The following KLHL15 variants were observed in gnomAD, a reference collection of about 807,000 sequenced individuals.
The protein encoded by KLHL15 is kelch-like protein 15.
KLHL15 carries 1 observed loss-of-function variant against 29.3 expected under a neutral mutation model. The ratio of observed to expected loss-of-function variants is 0.03; its 90% CI spans 0.01 to 0.16. The LOEUF is 0.16. Among genes scored for constraint, KLHL15 ranks in the 10% least tolerant of loss-of-function variants. The probability of loss-of-function intolerance (pLI) is 1.00; values close to 1 mark genes in which losing one functional copy is unlikely to be tolerated. For missense variants in KLHL15, 215 were observed against 478.5 expected, an observed-to-expected ratio of 0.45 and a Z score of 5.14; for synonymous variants, 212 against 184.5, an observed-to-expected ratio of 1.15 and a Z score of -1.21.
Position 23,984,422 on chromosome X carries a change from C to G in KLHL15, c.*3499G>C, listed in dbSNP as rs974011368. On this transcript the variant is annotated 3_prime_UTR_variant, in exon 4 of 4. Transcript: ENST00000328046. ...ATGATCTCTCAAAATGTTCAGAATA[C>G]AAAAACAAAAATCAAAAATGTATAA... 9 of 111,791 alleles carry G rather than the reference C, an allele frequency of 8.1e-5. No individual in the cohort carries two copies. Among genetic ancestry groups the G allele is most frequent in the African/African-American group, 2.9e-4 (9 of 30,843 alleles). The allele number at this position is 111,791 out of a possible 1,213,427, so 9.2% of individuals were successfully genotyped here.
chrX:24,010,850 C>A (rs957734526), intron 2 of KLHL15, among the ~76,000 whole-genome samples: 2 of 111,144 alleles, frequency 1.8e-5, no homozygotes, highest in African/African-American at 6.5e-5. Context: ...GCCAGTGTCA[C>A]CACTCTGTCA....
In KLHL15 at chrX:24,025,063, G is replaced by T; in HGVS notation, c.-209-5C>A. On this transcript the variant is annotated splice_region_variant and splice_polypyrimidine_tract_variant and intron_variant, in intron 1 of 3. Transcript: ENST00000328046. Reference sequence around the variant, plus strand: ...GCAGCCCCCTCTGGATAAGTCCTGGGAAAGAAGACAGCGCTGAGTCGAGAA... The same window carrying T: ...GCAGCCCCCTCTGGATAAGTCCTGGTAAAGAAGACAGCGCTGAGTCGAGAA... 3.4e-6 allele frequency: 1 copy of T among 297,450 alleles called. No individual in the cohort carries two copies. The highest frequency in any genetic ancestry group is 4.8e-5 in the East Asian group (1 of 21,034). 24.5% of individuals were successfully genotyped at this position (297,450 alleles called of 1,213,427 possible).
chrX:24,002,049 C>T (rs958299073), intron 3 of KLHL15, among the ~76,000 whole-genome samples: 2 of 109,044 alleles, frequency 1.8e-5, no homozygotes, highest in Non-Finnish European at 1.9e-5. Context: ...AGGAGAATGG[C>T]GTGAACCCGG....
rs978027257 is a variant in KLHL15, at chrX:23,988,038, A to T, written c.1698T>A (p.Asp566Glu). 2.5e-6 allele frequency: 3 copies of T among 1,211,331 alleles called. No individual in the cohort carries two copies. The highest frequency in any genetic ancestry group is 2.2e-6 in the Non-Finnish European group (2 of 895,382). The change falls in exon 4 of 4, where the codon GAT becomes GAA. Residue 566 changes from aspartate to glutamate, a missense_variant. Transcript: ENST00000328046. The stretch of plus-strand genomic sequence containing the variant: ...ACTCATCTTCCTTCCACTTGTTTTC[A>T]TCCGGATCAAAAGTGAGGATGGAAT... ...YSDSILTFDP[D>E]ENKWKEDEYP...
Position 23,988,194 on chromosome X carries a change from T to G in KLHL15, c.1542A>C (p.Val514=), listed in dbSNP as rs770901332. 3 of 1,212,114 alleles carry G rather than the reference T, an allele frequency of 2.5e-6. No individual in the cohort carries two copies. The highest frequency in any genetic ancestry group is 2.2e-6 in the Non-Finnish European group (2 of 895,517). The change falls in exon 4 of 4, where the codon GTA becomes GTC. Residue 514 remains valine (V), a synonymous_variant. Transcript: ENST00000328046. The part of the protein sequence containing the change: ...FESQGCPSTE[V]YNPETDQWTI... Reference sequence around the variant, plus strand: ...TCCACTGATCAGTCTCTGGGTTGTATACTTCTGTAGAAGGGCATCCCTGAG... The same window carrying G: ...TCCACTGATCAGTCTCTGGGTTGTAGACTTCTGTAGAAGGGCATCCCTGAG...
intron 2 of KLHL15, among the ~76,000 whole-genome samples, chrX:24,023,946 C>T (rs1401945655): frequency 8.9e-6 from 1 of 112,133 alleles, no homozygotes; most frequent in Non-Finnish European, 1.9e-5. Context: ...GAAAAACAGG[C>T]ATTAAAATTA....
chrX:24,014,147 G>A (rs1269398412), intron 2 of KLHL15, among the ~76,000 whole-genome samples: 1 of 110,066 alleles, frequency 9.1e-6, no homozygotes, highest in Non-Finnish European at 1.9e-5. Context: ...TACAGTCTCA[G>A]CTACTCAGGA....
At chrX:23,998,479 G>A (rs764605376) in intron 3 of KLHL15, among the ~76,000 whole-genome samples, 3 of 110,922 alleles carry the variant, frequency 2.7e-5, no homozygotes, top group Non-Finnish European at 5.7e-5. Flanking sequence ...GGATGGTCTC[G>A]ATCTCCTGAA....
At chrX:23,990,059 C>T (rs893401740) in intron 3 of KLHL15, among the ~76,000 whole-genome samples, 3 of 110,146 alleles carry the variant, frequency 2.7e-5, no homozygotes, top group Non-Finnish European at 5.7e-5. Flanking sequence ...TGCCTGTTGT[C>T]CAAGCACTTA....
At chrX:24,017,913 G>A (rs1477886422) in intron 2 of KLHL15, among the ~76,000 whole-genome samples, 3 of 110,810 alleles carry the variant, frequency 2.7e-5, no homozygotes, top group African/African-American at 9.9e-5. Flanking sequence ...GACCAGCCTG[G>A]GCAATGTGGC....
At chrX:24,004,403 G>C (rs1929400998) in intron 3 of KLHL15, among the ~76,000 whole-genome samples, 1 of 111,492 alleles carries the variant, frequency 9.0e-6, no homozygotes, top group Non-Finnish European at 1.9e-5. Context: ...CAGGGAAAAA[G>C]AGCAATAAAA....
intron 2 of KLHL15, among the ~76,000 whole-genome samples, chrX:24,022,796 C>T (rs1225259553): frequency 9.3e-6 from 1 of 107,439 alleles, no homozygotes; most frequent in Non-Finnish European, 1.9e-5. Flanking sequence ...CTTGGATTAC[C>T]GCAACTTCTG....
chrX:23,994,627 G>T (rs747837487), intron 3 of KLHL15, among the ~76,000 whole-genome samples: 3 of 111,808 alleles, frequency 2.7e-5, no homozygotes, highest in Non-Finnish European at 3.8e-5. Context: ...AAGAGGTATG[G>T]AAAGAACGAC....
rs1928992428 is a variant in KLHL15 at position 23,986,732 on chromosome X, T to C, written c.*1189A>G. On this transcript the variant is annotated 3_prime_UTR_variant, in exon 4 of 4. Coordinates refer to ENST00000328046, the MANE Select transcript of KLHL15 (RefSeq NM_030624.3). ...AAACAAGTAGATAAAACCAGTAACA[T>C]TATAATTCTATTTCTTACCTCTAAG... The C allele has an allele frequency of 8.9e-6, 1 of 112,077 alleles. No homozygotes were observed. The highest frequency in any genetic ancestry group is 9.6e-5 in the Admixed American group (1 of 10,464). The allele number at this position is 112,077 out of a possible 1,213,427, so 9.2% of individuals were successfully genotyped here. A position where few individuals can be genotyped will look rare whatever the true frequency, so the allele number is the denominator to read the frequency against.
chrX:24,022,467 C>G (rs1249562972), intron 2 of KLHL15, among the ~76,000 whole-genome samples: 2 of 108,026 alleles, frequency 1.9e-5, no homozygotes, highest in African/African-American at 3.4e-5. Context: ...AACCCCGTCT[C>G]TACTAAAAAT....
At chrX:24,022,857 A>AT (rs1555979268) in intron 2 of KLHL15, among the ~76,000 whole-genome samples, 5 of 107,206 alleles carry the variant, frequency 4.7e-5, no homozygotes, top group Non-Finnish European at 9.6e-5. Flanking sequence ...GTAGCTGGGA[A>AT]TAGAGTAGCT....
intron 3 of KLHL15, among the ~76,000 whole-genome samples, chrX:24,001,514 C>A (rs1190623878): frequency 9.0e-6 from 1 of 110,800 alleles, no homozygotes; most frequent in Non-Finnish European, 1.9e-5. Context: ...CAAAAAAAGT[C>A]AAGCATAGGC....
rs571363670 is a variant in KLHL15, at chrX:24,022,847, G to T, written c.-8+2010C>A. ...CGATTCTCCCGCCTCAGCCTCCCGA[G>T]TAGCTGGGAATAGAGTAGCTGGGAT... On this transcript the variant is annotated intron_variant, in intron 2 of 3. Coordinates refer to ENST00000328046, the MANE Select transcript of KLHL15 (RefSeq NM_030624.3). 5.3e-4 allele frequency among the ~76,000 whole-genome samples: 57 copies of T among 107,578 alleles called. No individual in the cohort carries two copies. In the South Asian group the frequency reaches 6.2e-3, roughly 12 times the overall value. The allele number at this position is 107,578 out of a possible 115,157, so 93.4% of individuals were successfully genotyped here. A position where few individuals can be genotyped will look rare whatever the true frequency, so the allele number is the denominator to read the frequency against.
Position 23,987,315 on chromosome X carries a change from G to A in KLHL15, c.*606C>T. On this transcript the variant is annotated 3_prime_UTR_variant, in exon 4 of 4. Transcript: ENST00000328046. ...CACGCATAAAAGGGATGTGCCTTGT[G>A]TATTTATAGGTTGTATGCGAGTATG... The A allele has an allele frequency of 8.9e-6, 1 of 112,459 alleles. No individual in the cohort carries two copies. Among genetic ancestry groups the A allele is most frequent in the Admixed American group, 9.5e-5 (1 of 10,538 alleles). The allele number at this position is 112,459 out of a possible 1,213,427, so 9.3% of individuals were successfully genotyped here.
Sources: allele counts gnomAD v4.1 joint callset (sites outside exome capture counted in the v4.1 genomes callset), GRCh38; gene constraint gnomAD v4.1.1; transcripts MANE v1.5; gene names NCBI Gene and HGNC (gene_info 2026-07-23, HGNC 2026-07-21).